The following SLC22A16 variants were observed in gnomAD, a reference collection of about 807,000 sequenced individuals.
The protein encoded by SLC22A16 is solute carrier family 22 member 16, also known as WUGSC:RG331P03.1.
SLC22A16 carries 53 observed loss-of-function variants against 52.9 expected under a neutral mutation model. That is an observed-to-expected ratio of 1.00 (90% CI 0.80 to 1.26). The LOEUF is 1.26. Among genes scored for constraint, SLC22A16 ranks in the 50% most tolerant of loss-of-function variants. The pLI is 0.00. For synonymous variants in SLC22A16, 291 were observed against 268.8 expected, an observed-to-expected ratio of 1.08 and a Z score of -0.81; for missense variants, 726 against 704.0, an observed-to-expected ratio of 1.03 and a Z score of -0.35.
chr6:110,438,660 A>C, intron 5 of SLC22A16, 60 bp downstream of exon 5: 5 of 1,558,550 alleles, frequency 3.2e-6, no homozygotes, highest in Non-Finnish European at 3.5e-6. Flanking sequence ...TAATAAGCTA[A>C]ATTCTTCCCA....
intron 7 of SLC22A16, 101 bp downstream of exon 7, chr6:110,431,070 G>C (rs1774479132): frequency 3.1e-6 from 3 of 964,924 alleles, no homozygotes; most frequent in Non-Finnish European, 4.9e-6. Context: ...ATTAGGAAAT[G>C]ATGTACTGGC....
chr6:110,425,250 C>A, intron 7 of SLC22A16, 165 bp from the exon 8 acceptor site: 1 of 1,516,770 alleles, frequency 6.6e-7, no homozygotes, highest in Non-Finnish European at 8.8e-7. Flanking sequence ...TGCTGGACTT[C>A]GAGTTCTTTT....
chr6:110,456,707 C>G lies in SLC22A16; in HGVS notation c.364G>C (p.Glu122Gln), dbSNP rs778160777. The G allele has an allele frequency of 1.2e-5, 19 of 1,614,094 alleles. No individual in the cohort carries two copies. The highest frequency in any genetic ancestry group is 1.4e-5 in the Non-Finnish European group (17 of 1,180,050). The stretch of plus-strand genomic sequence containing the variant: ...ATGTAGCCATCCACACAAGGAAACT[C>G]TTTCTTACTGCCAGTGTATTCATAG... ...LGYEYTGSKK[E>Q]FPCVDGYIYD... The change falls in exon 2 of 8, where the codon GAG becomes CAG. Residue 122 changes from glutamate to glutamine, a missense_variant. By Grantham distance (29) the Glu-to-Gln change is conservative (BLOSUM62 2). Transcript: ENST00000368919.
At chr6:110,468,553 G>A (rs1776149878) in intron 1 of SLC22A16, among the ~76,000 whole-genome samples, 1 of 151,874 alleles carries the variant, frequency 6.6e-6, no homozygotes, top group Non-Finnish European at 1.5e-5. Flanking sequence ...GGCTGAGACA[G>A]GAGAATTGCT....
chr6:110,431,283 G>A lies in SLC22A16; in HGVS notation c.1422-13C>T. The A allele has an allele frequency of 6.2e-7, 1 of 1,608,136 alleles. No homozygotes were observed. Among genetic ancestry groups the A allele is most frequent in the South Asian group, 1.1e-5 (1 of 90,974 alleles). The stretch of plus-strand genomic sequence containing the variant: ...CACAGCCAGCGATCTGGAAACAGAG[G>A]AGAGAGGCTGAGACAAGTAAGGCAC... On this transcript the variant is annotated splice_polypyrimidine_tract_variant and intron_variant, in intron 6 of 7. Transcript: ENST00000368919.
intron 6 of SLC22A16, among the ~76,000 whole-genome samples, chr6:110,432,787 G>A (rs1382626839): frequency 6.6e-6 from 1 of 152,188 alleles, no homozygotes; most frequent in Admixed American, 6.5e-5. Context: ...CATCTGTGCA[G>A]GGCTGCCACT....
intron 7 of SLC22A16, among the ~76,000 whole-genome samples, chr6:110,428,455 G>C (rs1272403664): frequency 6.6e-6 from 1 of 152,212 alleles, no homozygotes; most frequent in Non-Finnish European, 1.5e-5. Context: ...TGTGTAAAAG[G>C]CAAAGGAGCA....
chr6:110,429,468 T>A (rs751265627), intron 7 of SLC22A16, among the ~76,000 whole-genome samples: 12 of 152,256 alleles, frequency 7.9e-5, no homozygotes, highest in Non-Finnish European at 1.8e-4. Flanking sequence ...ATTACGTTAG[T>A]GTCTTTTAGA....
Position 110,431,420 on chromosome 6 carries a change from C to T in SLC22A16, c.1422-150G>A, listed in dbSNP as rs142964070. 5.3e-4 allele frequency: 325 copies of T among 618,094 alleles called. 1 individual carries two copies. In the East Asian group the frequency reaches 6.3e-3, roughly 12 times the overall value. 38.3% of individuals were successfully genotyped at this position (618,094 alleles called of 1,614,324 possible). A position where few individuals can be genotyped will look rare whatever the true frequency, so the allele number is the denominator to read the frequency against. ...ACAACGTTTCAGTCAACCTCGGTGG[C>T]CCCGCGAGATTATAATAGCACATTT... On this transcript the variant is annotated intron_variant, in intron 6 of 7. Coordinates refer to ENST00000368919, the MANE Select transcript of SLC22A16 (RefSeq NM_033125.4).
chr6:110,426,546 C>T (rs9386898), intron 7 of SLC22A16, among the ~76,000 whole-genome samples: 38,834 of 151,906 alleles, frequency 0.26, 5,235 homozygotes, highest in East Asian at 0.36. Flanking sequence ...CCAGACCCCA[C>T]TGCCTCTCAC....
intron 1 of SLC22A16, among the ~76,000 whole-genome samples, chr6:110,457,392 A>G (rs1775704072): frequency 6.6e-6 from 1 of 152,188 alleles, no homozygotes; most frequent in Non-Finnish European, 1.5e-5. Flanking sequence ...TACTCAAAAA[A>G]CAAAAGGATA....
At chr6:110,443,478 A>G (rs1434453306) in intron 3 of SLC22A16, among the ~76,000 whole-genome samples, 1 of 152,200 alleles carries the variant, frequency 6.6e-6, no homozygotes, top group Non-Finnish European at 1.5e-5. Flanking sequence ...ATGCAATTCA[A>G]TGCTACAAAG....
chr6:110,425,336 G>C (rs751175137), intron 7 of SLC22A16: 1 of 1,424,092 alleles, frequency 7.0e-7, no homozygotes. Flanking sequence ...CTCCTTAATT[G>C]CCAGCTACTG....
intron 6 of SLC22A16, among the ~76,000 whole-genome samples, chr6:110,433,887 G>A (rs2114903191): frequency 6.6e-6 from 1 of 152,222 alleles, no homozygotes; most frequent in Non-Finnish European, 1.5e-5. Flanking sequence ...TGGCAGCAGT[G>A]TGACCCTAAT....
At position 110,476,531 on chromosome 6, in the gene SLC22A16, TG is replaced by T; in HGVS notation, c.43del (p.His15ThrfsTer44). ...HFEGIYDHVGHFGRFQRVLYF... is the reference protein window; with the variant it reads ...HFEGIYDHVGXFGRFQRVLYF... Reference sequence around the variant, plus strand: ...GGCCCCTCCCCCATACCTGCCGAAGTGCCCCACGTGGTCATAAATCCCCTCG... The same window carrying T: ...GGCCCCTCCCCCATACCTGCCGAAGTCCCCACGTGGTCATAAATCCCCTCG... On this transcript the variant is annotated frameshift_variant, in exon 1 of 8. Transcript: ENST00000368919. LOFTEE classifies it high-confidence loss of function. 1 of 1,454,942 alleles carries T rather than the reference TG, an allele frequency of 6.9e-7. No homozygotes were observed. Among genetic ancestry groups the T allele is most frequent in the South Asian group, 1.2e-5 (1 of 80,380 alleles). 90.1% of individuals were successfully genotyped at this position (1,454,942 alleles called of 1,614,324 possible). A position where few individuals can be genotyped will look rare whatever the true frequency, so the allele number is the denominator to read the frequency against.
chr6:110,456,292 G>A (rs1775648218), intron 2 of SLC22A16: 5 of 473,514 alleles, frequency 1.1e-5, no homozygotes, highest in East Asian at 3.4e-5. Flanking sequence ...ACACAGGTAA[G>A]TTAGGCAATT....
At chr6:110,425,290 C>T (rs1774212234) in intron 7 of SLC22A16, 2 of 1,501,818 alleles carry the variant, frequency 1.3e-6, no homozygotes, top group East Asian at 5.4e-5. Flanking sequence ...TCTCATCACT[C>T]ACTCATTCAT....
chr6:110,446,792 C>G lies in SLC22A16; in HGVS notation c.651+81G>C, dbSNP rs570078731. The G allele has an allele frequency of 4.4e-5, 56 of 1,277,592 alleles. No individual in the cohort carries two copies. The East Asian group carries it at 1.3e-3, about 29-fold the overall frequency. 79.1% of individuals were successfully genotyped at this position (1,277,592 alleles called of 1,614,324 possible). A position where few individuals can be genotyped will look rare whatever the true frequency, so the allele number is the denominator to read the frequency against. ...GAGTCCTTGATCTCGCTCACTAGAT[C>G]TTAAATGAGCAAAATGATGAGAGTT... On this transcript the variant is annotated intron_variant, in intron 3 of 7. Coordinates refer to ENST00000368919, the MANE Select transcript of SLC22A16 (RefSeq NM_033125.4).
intron 1 of SLC22A16, among the ~76,000 whole-genome samples, chr6:110,473,911 A>G (rs1412684866): frequency 6.6e-6 from 1 of 151,898 alleles, no homozygotes; most frequent in African/African-American, 2.4e-5. Flanking sequence ...AGGGTTCTCT[A>G]CTGTAGGGGT....
Sources: allele counts gnomAD v4.1 joint callset (sites outside exome capture counted in the v4.1 genomes callset), GRCh38; gene constraint gnomAD v4.1.1; transcripts MANE v1.5; gene names NCBI Gene and HGNC (gene_info 2026-07-23, HGNC 2026-07-21).